The following NLRP2 variants were observed in gnomAD, a reference collection of about 807,000 sequenced individuals.
NLRP2 encodes NLR family pyrin domain containing 2.
Under a neutral mutation model 97.2 loss-of-function variants are expected in NLRP2, and 107 were observed. The ratio of observed to expected loss-of-function variants is 1.10; its 90% confidence interval spans 0.94 to 1.29. The LOEUF (loss-of-function observed/expected upper bound fraction) is 1.29, where lower values mean the gene tolerates loss of function less well. Ranked by LOEUF, NLRP2 falls within the 50% of genes most tolerant of loss-of-function variation. The pLI, the probability that NLRP2 is intolerant of heterozygous loss-of-function variation, is 0.00. For synonymous variants in NLRP2, 663 were observed against 551.5 expected (o/e 1.20, Z -2.83); for missense variants, 1,495 against 1,330.3 (o/e 1.12, Z -1.93).
rs762491395 is a variant in NLRP2 at position 54,970,308 on chromosome 19, C to T, written c.280+13C>T. On this transcript the variant is annotated intron_variant, in intron 2 of 12. Coordinates refer to ENST00000448584, the MANE Select transcript of NLRP2 (RefSeq NM_017852.5). Reference sequence around the variant, plus strand: ...GATGAAGTCAGAGGTGAGTGGAAATCGGTCCACACTGTGTCCTAGGAGGAA... The same window carrying T: ...GATGAAGTCAGAGGTGAGTGGAAATTGGTCCACACTGTGTCCTAGGAGGAA... 1.8e-5 allele frequency: 29 copies of T among 1,613,820 alleles called. No homozygotes were observed. Among genetic ancestry groups the T allele is most frequent in the African/African-American group, 5.3e-5 (4 of 74,918 alleles).
At chr19:54,976,169 C>G (rs993634944) in intron 3 of NLRP2, among the ~76,000 whole-genome samples, 4 of 152,062 alleles carry the variant, frequency 2.6e-5, no homozygotes, top group Admixed American at 2.0e-4. Context: ...ATTCTCTTGC[C>G]TCAGCCTCCC....
chr19:54,997,939 C>G (rs1314843088), intron 12 of NLRP2, among the ~76,000 whole-genome samples: 1 of 151,116 alleles, frequency 6.6e-6, no homozygotes, highest in Non-Finnish European at 1.5e-5. Context: ...TGCCGTCTAC[C>G]TGCTCATGAT....
chr19:54,986,916 G>C (rs536979060), intron 8 of NLRP2, among the ~76,000 whole-genome samples: 3 of 151,440 alleles, frequency 2.0e-5, no homozygotes, highest in East Asian at 3.9e-4. Context: ...ATGGAGTCTC[G>C]CTCTGTCACC....
At chr19:54,993,388 G>A (rs1320013562) in intron 10 of NLRP2, 7 of 152,054 alleles carry the variant, frequency 4.6e-5, no homozygotes, top group African/African-American at 1.7e-4. Flanking sequence ...AGATACATGG[G>A]CATTATAGTT....
chr19:54,981,072 C>G (rs980483093), intron 4 of NLRP2, among the ~76,000 whole-genome samples: 14 of 152,298 alleles, frequency 9.2e-5, no homozygotes, highest in African/African-American at 3.1e-4. Context: ...GATTGCGCCA[C>G]TGCACTCCAG....
intron 12 of NLRP2, 56 bp from the exon 13 acceptor site, chr19:55,000,704 T>A: frequency 1.3e-6 from 2 of 1,595,142 alleles, no homozygotes; most frequent in Non-Finnish European, 1.7e-6. Context: ...CTTGGGAATT[T>A]GAAACAAATC....
Position 54,986,275 on chromosome 19 carries a change from G to A in NLRP2, c.2326G>A (p.Glu776Lys). Residue 776 changes from glutamate to lysine, a missense_variant, in exon 8 of 13, where the codon GAG becomes AAG. Coordinates refer to ENST00000448584, the MANE Select transcript of NLRP2 (RefSeq NM_017852.5). ...DQDDMFPALCEVLRHPECNLR... is the reference protein window; with the variant it reads ...DQDDMFPALCKVLRHPECNLR... ...GGATGATATGTTTCCCGCATTGTGT[G>A]AGGTCTTGAGACATCCAGAATGTAA... The A allele has an allele frequency of 6.2e-7, 1 of 1,614,122 alleles. No individual in the cohort carries two copies. The highest frequency in any genetic ancestry group is 1.1e-5 in the South Asian group (1 of 91,082).
In NLRP2 at chr19:54,972,416, C is replaced by T. The variant is rs139886561; in HGVS notation, c.281-2084C>T. 9.3e-4 allele frequency among the ~76,000 whole-genome samples: 141 copies of T among 151,872 alleles called. 3 individuals are homozygous for T. In the East Asian group the frequency reaches 0.023, roughly 25 times the overall value. On this transcript the variant is annotated intron_variant, in intron 2 of 12. Coordinates refer to ENST00000448584, the MANE Select transcript of NLRP2 (RefSeq NM_017852.5). ...CAGGCTGGTCTTGAACTCCTGACCA[C>T]GTGATCAACCCGCCTCAGCCTCCCA...
intron 8 of NLRP2, among the ~76,000 whole-genome samples, chr19:54,988,402 T>C (rs1035211789): frequency 3.9e-5 from 6 of 151,952 alleles, no homozygotes; most frequent in African/African-American, 1.5e-4. Flanking sequence ...AAGTGATTCT[T>C]CTCCGTCAAC....
rs182833837 is a variant in NLRP2 at position 54,989,039 on chromosome 19, C to T, written c.2367-983C>T. 7.2e-5 allele frequency among the ~76,000 whole-genome samples: 11 copies of T among 152,058 alleles called. No homozygotes were observed. The South Asian group carries it at 1.9e-3, about 26-fold the overall frequency. ...GTGGAGTGATCTCGGCTTACTGCAACCTCCGCCTCCTGGGTTCAAGTGATT... is the reference window on the plus strand; with the variant it reads ...GTGGAGTGATCTCGGCTTACTGCAATCTCCGCCTCCTGGGTTCAAGTGATT... On this transcript the variant is annotated intron_variant, in intron 8 of 12. Coordinates refer to ENST00000448584, the MANE Select transcript of NLRP2 (RefSeq NM_017852.5).
At chr19:54,988,815 G>A (rs924161397) in intron 8 of NLRP2, among the ~76,000 whole-genome samples, 1 of 151,046 alleles carries the variant, frequency 6.6e-6, no homozygotes, top group Non-Finnish European at 1.5e-5. Flanking sequence ...ACTGTGCCCA[G>A]CCACTCATTT....
chr19:54,997,311 C>A lies in NLRP2; in HGVS notation c.2880-6C>A. ...CATTAACGTGTTGATTTCTGTGTTT[C>A]CCCAGGTTGTGGGGATGTTCCATCC... On this transcript the variant is annotated splice_polypyrimidine_tract_variant and splice_region_variant and intron_variant, in intron 11 of 12. Transcript: ENST00000448584. The A allele has an allele frequency of 6.2e-7, 1 of 1,613,230 alleles. No homozygotes were observed. Among genetic ancestry groups the A allele is most frequent in the Non-Finnish European group, 8.5e-7 (1 of 1,179,960 alleles).
At chr19:55,000,712 A>T in intron 12 of NLRP2, 48 bp from the exon 13 acceptor site, 1 of 1,603,794 alleles carries the variant, frequency 6.2e-7, no homozygotes, top group Non-Finnish European at 8.5e-7. Context: ...TTTGAAACAA[A>T]TCTCCTTGAT....
intron 8 of NLRP2, among the ~76,000 whole-genome samples, chr19:54,987,745 A>AT (rs977486287): frequency 5.2e-4 from 75 of 145,490 alleles, no homozygotes; most frequent in Non-Finnish European, 9.4e-4. Context: ...GTCTCAAAAA[A>AT]AAAAAAAAAA....
intron 10 of NLRP2, 133 bp downstream of exon 10, chr19:54,990,805 A>G: frequency 1.1e-6 from 1 of 886,126 alleles, no homozygotes; most frequent in Non-Finnish European, 1.9e-6. Flanking sequence ...GACAACTGGT[A>G]AGACCTGGGT....
In NLRP2 at chr19:54,990,155, A is replaced by G. The variant is rs747639382; in HGVS notation, c.2500A>G (p.Thr834Ala). Reference protein sequence around the residue: ...LDEGAKLLYTTLRHPKCFLQR... With the variant: ...LDEGAKLLYTALRHPKCFLQR... ...TGAGGGTGCTAAGTTGCTGTACACA[A>G]CTTTGAGACACCCCAAGTGCTTTCT... The change falls in exon 9 of 13, where the codon ACT becomes GCT. Residue 834 changes from threonine (T) to alanine (A), a missense_variant. Thr to Ala is a moderately conservative substitution (Grantham distance 58). Transcript: ENST00000448584. 1 of 1,614,092 alleles carries G rather than the reference A, an allele frequency of 6.2e-7. No homozygotes were observed. Among genetic ancestry groups the G allele is most frequent in the Admixed American group, 1.7e-5 (1 of 60,008 alleles).
Position 54,966,825 on chromosome 19 carries a change from C to CTT in NLRP2, c.-18+383_-18+384dup, listed in dbSNP as rs1044701142. Among the ~76,000 whole-genome samples, 333 of 74,980 alleles carry CTT rather than the reference C, an allele frequency of 4.4e-3. 25 individuals are homozygous for CTT. Among genetic ancestry groups the CTT allele is most frequent in the South Asian group, 0.011 (19 of 1,702 alleles). The allele number at this position is 74,980 out of a possible 152,430, so 49.2% of individuals were successfully genotyped here. ...ACAGGCGTGAGCCACCGCGCCCAGC[C>CTT]TTTTTTTTTTTTTTTTTTTTTTTTT... On this transcript the variant is annotated intron_variant, in intron 1 of 12. Transcript: ENST00000448584.
At chr19:54,970,770 C>CTTTTTTTTTTTTTTTTTTCCTTTTTTT (rs34406686) in intron 2 of NLRP2, among the ~76,000 whole-genome samples, 2 of 108,474 alleles carry the variant, frequency 1.8e-5, no homozygotes, top group Non-Finnish European at 3.7e-5. Flanking sequence ...CTACCTACTT[C>CTTTTTTTTTTTTTTTTTTCCTTTTTTT]TTTTTTTTTT....
intron 6 of NLRP2, among the ~76,000 whole-genome samples, chr19:54,984,329 G>GGTTTT (rs1329961462): frequency 7.4e-4 from 59 of 79,674 alleles, no homozygotes; most frequent in African/African-American, 1.8e-3. Flanking sequence ...TTTTTTTTGT[G>GGTTTT]TTTTTTTTTT....
Sources: allele counts gnomAD v4.1 joint callset (sites outside exome capture counted in the v4.1 genomes callset), GRCh38; gene constraint gnomAD v4.1.1; transcripts MANE v1.5; gene names NCBI Gene and HGNC (gene_info 2026-07-23, HGNC 2026-07-21).